Variants in TIAM1 observed in about 807,000 individuals in gnomAD.
The protein encoded by TIAM1 is TIAM Rac1 associated GEF 1, also known as rho guanine nucleotide exchange factor TIAM1.
A neutral mutation model predicts 163.5 loss-of-function variants in TIAM1; 65 were observed. That is an observed-to-expected ratio of 0.40 (90% confidence interval 0.33 to 0.49). TIAM1 has a LOEUF of 0.49. TIAM1 is among the 20% of genes least tolerant of loss of function. TIAM1 has a pLI of 0.77. For missense variants in TIAM1, 1,789 were observed against 2,044.7 expected, an observed-to-expected ratio of 0.87 and a Z score of 2.41; for synonymous variants, 833 against 810.1, an observed-to-expected ratio of 1.03 and a Z score of -0.48.
In TIAM1 at chr21:31,153,070, T is replaced by C. The variant is rs757503716; in HGVS notation, c.3236A>G (p.Asp1079Gly). Residue 1079 changes from aspartate to glycine, a missense_variant, in exon 18 of 28, where the codon GAT becomes GGT. Physicochemically the swap from Asp to Gly is moderately conservative, Grantham distance 94. Coordinates refer to ENST00000541036, the MANE Select transcript of TIAM1 (RefSeq NM_001353694.2). ...PLQKETFLTQ[D>G]ELDVLFGNLT... ...TTGAAACCATTTCCAGCATACCTCA[T>C]CCTGGGTGAGAAAAGTTTCTTTTTG... 1.2e-6 allele frequency: 2 copies of C among 1,613,622 alleles called. No homozygotes were observed. Among genetic ancestry groups the C allele is most frequent in the Non-Finnish European group, 1.7e-6 (2 of 1,179,842 alleles).
At chr21:31,508,320 T>C (rs1198569943) in intron 1 of TIAM1, among the ~76,000 whole-genome samples, 1 of 152,046 alleles carries the variant, frequency 6.6e-6, no homozygotes, top group East Asian at 1.9e-4. Flanking sequence ...GATTCTTTTC[T>C]ACCTTTCCTT....
At chr21:31,447,600 G>A (rs567943) in intron 2 of TIAM1, among the ~76,000 whole-genome samples, 123,864 of 152,134 alleles carry the variant, frequency 0.81, 50,732 homozygotes, top group East Asian at 0.92. Flanking sequence ...CTGTGAGTTC[G>A]GAGATAAGAG....
chr21:31,210,683 GAAA>G (rs374708276), intron 10 of TIAM1, among the ~76,000 whole-genome samples: 4 of 63,408 alleles, frequency 6.3e-5, no homozygotes, highest in African/African-American at 3.8e-4. Flanking sequence ...AAGAAAGAAA[GAAA>G]AAGAAAGAAA....
rs2147204826 is a variant in TIAM1 at position 31,395,006 on chromosome 21, G to A, written c.-368-55584C>T. Among the ~76,000 whole-genome samples, 1 of 152,252 alleles carries A rather than the reference G, an allele frequency of 6.6e-6. No individual in the cohort carries two copies. Among genetic ancestry groups the A allele is most frequent in the Admixed American group, 6.5e-5 (1 of 15,288 alleles). On this transcript the variant is annotated intron_variant, in intron 2 of 28. Transcript: ENST00000286827. The surrounding 1 kb of genome is among the most constrained non-coding windows in gnomAD (Gnocchi z 7.5). ...TAACCCCAGCACTTTGGGAGGCCAA[G>A]GTGGGTGGATCACTTGAGGTCAGAA...
At chr21:31,390,851 C>A (rs1441053138) in intron 2 of TIAM1, among the ~76,000 whole-genome samples, 4 of 152,278 alleles carry the variant, frequency 2.6e-5, no homozygotes, top group Non-Finnish European at 5.9e-5. Context: ...TCCTCATTCT[C>A]CTTTCTTCAT....
chr21:31,388,260 A>ACACACACG lies in TIAM1; in HGVS notation c.-368-48839_-368-48838insCGTGTGTG, dbSNP rs1413732260. Among the ~76,000 whole-genome samples, 55 of 29,568 alleles carry ACACACACG rather than the reference A, an allele frequency of 1.9e-3. 1 individual carries two copies. The highest frequency in any genetic ancestry group is 5.1e-3 in the East Asian group (8 of 1,576). 19.4% of individuals were successfully genotyped at this position (29,568 alleles called of 152,430 possible). On this transcript the variant is annotated intron_variant, in intron 2 of 28. Coordinates refer to the TIAM1 transcript ENST00000286827. ...ACACACACACACACACACACACACA[A>ACACACACG]CCTCTTACGTGAATACGGTGAATCT... is the stretch of plus-strand genomic sequence containing the variant.
intron 1 of TIAM1, among the ~76,000 whole-genome samples, chr21:31,504,952 A>G (rs1026132378): frequency 1.1e-4 from 17 of 152,192 alleles, no homozygotes; most frequent in Admixed American, 1.1e-3. Context: ...CTTTTAAAGA[A>G]ATTAGCAAGT....
intron 1 of TIAM1, among the ~76,000 whole-genome samples, chr21:31,502,094 G>C (rs1022831876): frequency 6.6e-6 from 1 of 152,078 alleles, no homozygotes; most frequent in Admixed American, 6.6e-5. Context: ...GAAAGTTCCA[G>C]TGTCAAGGAA....
intron 2 of TIAM1, among the ~76,000 whole-genome samples, chr21:31,426,267 A>G (rs1443349406): frequency 3.3e-5 from 5 of 152,152 alleles, no homozygotes; most frequent in African/African-American, 9.7e-5. Flanking sequence ...TAGCTGGCGT[A>G]GCAATGAAAC....
chr21:31,222,643 ATG>A (rs1257756462), intron 8 of TIAM1, among the ~76,000 whole-genome samples: 1 of 133,582 alleles, frequency 7.5e-6, no homozygotes, highest in Non-Finnish European at 1.6e-5. Flanking sequence ...GTGTGTATGT[ATG>A]TGTGTGTATA....
intron 2 of TIAM1, among the ~76,000 whole-genome samples, chr21:31,447,295 G>C (rs556063062): frequency 6.6e-6 from 1 of 152,054 alleles, no homozygotes; most frequent in Non-Finnish European, 1.5e-5. Context: ...TAATTAGCAG[G>C]GTGTAGTGGT....
chr21:31,286,451 C>T (rs1270367816), intron 2 of TIAM1, among the ~76,000 whole-genome samples: 2 of 151,858 alleles, frequency 1.3e-5, no homozygotes, highest in Non-Finnish European at 2.9e-5. Flanking sequence ...CTCATGCCTG[C>T]AATCTTAGCA....
At chr21:31,128,129 T>C (rs1305902310) in intron 25 of TIAM1, among the ~76,000 whole-genome samples, 1 of 152,260 alleles carries the variant, frequency 6.6e-6, no homozygotes, top group Non-Finnish European at 1.5e-5. Flanking sequence ...GTCTCACTTT[T>C]ATCCAGTGGT....
intron 1 of TIAM1, among the ~76,000 whole-genome samples, chr21:31,468,335 T>G (rs1245493342): frequency 6.6e-6 from 1 of 150,954 alleles, no homozygotes; most frequent in Non-Finnish European, 1.5e-5. Context: ...AAAAAAAAAT[T>G]AGCCGGGTGT....
chr21:31,378,109 C>T (rs1429606565), intron 2 of TIAM1, among the ~76,000 whole-genome samples: 2 of 136,048 alleles, frequency 1.5e-5, no homozygotes, highest in African/African-American at 5.7e-5. Context: ...GCACTCCAGC[C>T]TGGGTAACAA....
chr21:31,277,828 G>A (rs1016281141), intron 2 of TIAM1, among the ~76,000 whole-genome samples: 1 of 152,074 alleles, frequency 6.6e-6, no homozygotes, highest in East Asian at 1.9e-4. Context: ...GTCTGGATCG[G>A]GACCTCTTTC....
In TIAM1 at chr21:31,242,424, G is replaced by T. The variant is rs540230341; in HGVS notation, c.1584+3064C>A. Reference sequence around the variant, plus strand: ...TGTAGCCCCAGCTATTCAGGAGGCTGAGCTGGGAGGATTGCTCAGCCCAGG... The same window carrying T: ...TGTAGCCCCAGCTATTCAGGAGGCTTAGCTGGGAGGATTGCTCAGCCCAGG... On this transcript the variant is annotated intron_variant, in intron 6 of 27. Transcript: ENST00000541036. Among the ~76,000 whole-genome samples the T allele has an allele frequency of 1.3e-3, 198 of 152,214 alleles. 1 individual carries two copies. Among genetic ancestry groups the T allele is most frequent in the African/African-American group, 4.5e-3 (187 of 41,552 alleles).
chr21:31,449,894 T>C (rs548615675), intron 2 of TIAM1, among the ~76,000 whole-genome samples: 90 of 152,268 alleles, frequency 5.9e-4, no homozygotes, highest in African/African-American at 2.1e-3. Flanking sequence ...CACTGAGGCA[T>C]AACTGAATTA....
chr21:31,514,646 T>C (rs760503237), intron 1 of TIAM1, among the ~76,000 whole-genome samples: 6 of 152,182 alleles, frequency 3.9e-5, no homozygotes, highest in East Asian at 3.9e-4. Context: ...TGAGCCAAGA[T>C]TGCACCGCTG....
Sources: allele counts gnomAD v4.1 joint callset (sites outside exome capture counted in the v4.1 genomes callset), GRCh38; gene constraint gnomAD v4.1.1; non-coding constraint Gnocchi (gnomAD v3.1); transcripts MANE v1.5; gene names NCBI Gene and HGNC (gene_info 2026-07-23, HGNC 2026-07-21).